Variants in CYP4F11 observed in about 807,000 individuals in gnomAD.
The protein encoded by CYP4F11 is cytochrome P450 family 4 subfamily F member 11, also known as cytochrome P450 4F11.
In CYP4F11, 79 loss-of-function variants were observed where a neutral mutation model predicts 62.2. The ratio of observed to expected loss-of-function variants is 1.27; its 90% CI spans 1.06 to 1.53. The LOEUF is 1.53. Ranked by LOEUF, CYP4F11 falls within the 40% of genes most tolerant of loss-of-function variation. The pLI is 0.00. For synonymous variants in CYP4F11, 290 were observed against 263.7 expected (o/e 1.10, Z -0.97); for missense variants, 777 against 680.5 (o/e 1.14, Z -1.58).
chr19:15,917,441 A>G (rs2089591685), intron 8 of CYP4F11, among the ~76,000 whole-genome samples: 2 of 152,178 alleles, frequency 1.3e-5, no homozygotes, highest in Non-Finnish European at 2.9e-5. Flanking sequence ...ATTAAGACCT[A>G]TTACTGAGTT....
chr19:15,917,919 A>G (rs2089595134), intron 8 of CYP4F11, among the ~76,000 whole-genome samples: 1 of 152,232 alleles, frequency 6.6e-6, no homozygotes, highest in South Asian at 2.1e-4. Context: ...CATTTGACCC[A>G]GAAATCCCAT....
rs2089546696 is a variant in CYP4F11 at position 15,912,773 on chromosome 19, A to ATGTATGTG, written c.*958_*959insCACATACA. On this transcript the variant is annotated 3_prime_UTR_variant, in exon 12 of 12. Coordinates refer to ENST00000402119, the MANE Select transcript of CYP4F11 (RefSeq NM_021187.4). The stretch of plus-strand genomic sequence containing the variant: ...TGTGTGTGTGTGTGTGTGTGTGTGT[A>ATGTATGTG]TATATATATATATATAATATATATA... 2 of 28,694 alleles carry ATGTATGTG rather than the reference A, an allele frequency of 7.0e-5. No homozygotes were observed. The highest frequency in any genetic ancestry group is 6.5e-5 in the Non-Finnish European group (1 of 15,466). The allele number at this position is 28,694 out of a possible 1,614,324, so 1.8% of individuals were successfully genotyped here.
chr19:15,927,085 A>G (rs1275808459), intron 4 of CYP4F11, 127 bp downstream of exon 4: 3 of 1,115,506 alleles, frequency 2.7e-6, no homozygotes, highest in Non-Finnish European at 3.8e-6. Flanking sequence ...CATTTTACAG[A>G]TAGGGAAACC....
chr19:15,921,963 A>C (rs946305020), intron 8 of CYP4F11, 74 bp downstream of exon 8: 1 of 1,464,574 alleles, frequency 6.8e-7, no homozygotes, highest in African/African-American at 1.4e-5. Context: ...GACCAAAAAA[A>C]CTCCCTCCCT....
At chr19:15,916,941 G>T (rs2145038414) in intron 8 of CYP4F11, among the ~76,000 whole-genome samples, 1 of 152,246 alleles carries the variant, frequency 6.6e-6, no homozygotes, top group South Asian at 2.1e-4. Context: ...CAAAGGAAAA[G>T]AAGTCGTTAT....
At chr19:15,919,335 A>G (rs1390256389) in intron 8 of CYP4F11, among the ~76,000 whole-genome samples, 2 of 148,210 alleles carry the variant, frequency 1.3e-5, no homozygotes, top group Non-Finnish European at 3.0e-5. Context: ...AATAGATGAT[A>G]TAGATAGATC....
rs901209280 is a variant in CYP4F11, at chr19:15,934,472, A to T, written c.-64T>A. The stretch of plus-strand genomic sequence containing the variant: ...CCCAGGGAAGGGCCCAGGAAGCTCC[A>T]AGGACAGTGGAAAGGGGCAAGGATG... On this transcript the variant is annotated 5_prime_UTR_variant, in exon 1 of 12. Transcript: ENST00000402119. 1.6e-5 allele frequency: 26 copies of T among 1,578,580 alleles called. No homozygotes were observed. In the African/African-American group the frequency reaches 3.0e-4, roughly 18 times the overall value.
intron 8 of CYP4F11, 35 bp from the exon 9 acceptor site, chr19:15,914,930 G>A (rs1439616583): frequency 1.2e-6 from 2 of 1,609,006 alleles, no homozygotes; most frequent in East Asian, 2.2e-5. Context: ...CATTATCAAG[G>A]GAACAAAGAC....
chr19:15,929,723 A>G, intron 1 of CYP4F11, 122 bp from the exon 2 acceptor site: 1 of 1,122,682 alleles, frequency 8.9e-7, no homozygotes. Flanking sequence ...GTAAAACATT[A>G]TTTCTGGATG....
In CYP4F11 at chr19:15,912,789, A is replaced by ATATATAT. The variant is rs10637763; in HGVS notation, c.*942_*943insATATATA. 1.0e-4 allele frequency: 10 copies of ATATATAT among 95,794 alleles called. 1 individual carries two copies. The highest frequency in any genetic ancestry group is 4.7e-4 in the African/African-American group (9 of 19,134). 5.9% of individuals were successfully genotyped at this position (95,794 alleles called of 1,614,324 possible). Reference sequence around the variant, plus strand: ...TGTGTGTGTATATATATATATATATAATATATATATATATATACATATCTT... The same window carrying ATATATAT: ...TGTGTGTGTATATATATATATATATATATATATATATATATATATATATACATATCTT... On this transcript the variant is annotated 3_prime_UTR_variant, in exon 12 of 12. Coordinates refer to ENST00000402119, the MANE Select transcript of CYP4F11 (RefSeq NM_021187.4).
Position 15,929,497 on chromosome 19 carries a change from T to C in CYP4F11, c.303A>G (p.Leu101=), listed in dbSNP as rs1355178352. 6.2e-7 allele frequency: 1 copy of C among 1,613,844 alleles called. No individual in the cohort carries two copies. The highest frequency in any genetic ancestry group is 1.7e-5 in the Admixed American group (1 of 59,984). ...WLGPTFPLLI[L]CHPDIIRPIT... is the part of the protein sequence containing the mutation. ...TAGGCCGGATAATGTCAGGGTGGCA[T>C]AAAATGAGGAGGGGGAAGGTAGGAC... The change falls in exon 2 of 12, where the codon TTA becomes TTG. Residue 101 remains leucine, a synonymous_variant. Coordinates refer to ENST00000402119, the MANE Select transcript of CYP4F11 (RefSeq NM_021187.4).
chr19:15,931,656 GTGAGCGAGGAGAGGAA>G lies in CYP4F11; in HGVS notation c.199-2071_199-2056del, dbSNP rs1398920690. Among the ~76,000 whole-genome samples, 53 of 62,150 alleles carry G rather than the reference GTGAGCGAGGAGAGGAA, an allele frequency of 8.5e-4. 4 individuals carry two copies. Among genetic ancestry groups the G allele is most frequent in the Non-Finnish European group, 1.1e-3 (38 of 34,150 alleles). 40.8% of individuals were successfully genotyped at this position (62,150 alleles called of 152,430 possible). Reference sequence around the variant, plus strand: ...AATGAGTGAGCGAGGAGAGGAATGAGTGAGCGAGGAGAGGAATGAGTGAGCGAGGAGAGGAATGAGT... The same window carrying G: ...AATGAGTGAGCGAGGAGAGGAATGAGTGAGTGAGCGAGGAGAGGAATGAGT... On this transcript the variant is annotated intron_variant, in intron 1 of 11. Transcript: ENST00000402119.
At chr19:15,918,819 A>G (rs1344423600) in intron 8 of CYP4F11, among the ~76,000 whole-genome samples, 1 of 152,130 alleles carries the variant, frequency 6.6e-6, no homozygotes, top group Non-Finnish European at 1.5e-5. Context: ...TGGAAGGTAA[A>G]TCAGTACAGA....
Position 15,934,371 on chromosome 19 carries a change from G to T in CYP4F11, c.38C>A (p.Pro13His), listed in dbSNP as rs2089760464. ...AAGCAGCCACGGGGATGCTGCCACG[G>T]GCCCGAGGCCCAGCCAGGACAGGCT... ...QLSLSWLGLG[P>H]VAASPWLLLL... The change falls in exon 1 of 12, where the codon CCC becomes CAC. Residue 13 changes from proline to histidine, a missense_variant. Coordinates refer to ENST00000402119, the MANE Select transcript of CYP4F11 (RefSeq NM_021187.4). 6.2e-7 allele frequency: 1 copy of T among 1,613,378 alleles called. No individual in the cohort carries two copies. Among genetic ancestry groups the T allele is most frequent in the Non-Finnish European group, 8.5e-7 (1 of 1,179,698 alleles).
At chr19:15,930,280 T>G (rs2089702291) in intron 1 of CYP4F11, among the ~76,000 whole-genome samples, 1 of 152,074 alleles carries the variant, frequency 6.6e-6, no homozygotes, top group Non-Finnish European at 1.5e-5. Flanking sequence ...CCTTCTCTCT[T>G]GGGGCTGTCT....
At chr19:15,914,735 G>A in intron 9 of CYP4F11, 27 bp downstream of exon 9, 1 of 1,614,014 alleles carries the variant, frequency 6.2e-7, no homozygotes, top group Non-Finnish European at 8.5e-7. Context: ...CTACCCAGGA[G>A]GCTCCTCCCC....
At chr19:15,916,922 G>C in intron 8 of CYP4F11, among the ~76,000 whole-genome samples, 1 of 152,176 alleles carries the variant, frequency 6.6e-6, no homozygotes, top group Non-Finnish European at 1.5e-5. Context: ...TCACTACTAG[G>C]TATCTACCCA....
Position 15,929,555 on chromosome 19 carries a change from G to T in CYP4F11, c.245C>A (p.Thr82Asn). Residue 82 changes from threonine (T) to asparagine (N), a missense_variant, in exon 2 of 12, where the codon ACC becomes AAC. Transcript: ENST00000402119. ...CAACTTAAAGCCCTGGGGATATGTG[G>T]TCACCAGCTGGGTCAATGTCTTCAT... ...EGMKTLTQLV[T>N]TYPQGFKLWL... The T allele has an allele frequency of 6.2e-7, 1 of 1,613,552 alleles. No homozygotes were observed. Among genetic ancestry groups the T allele is most frequent in the Non-Finnish European group, 8.5e-7 (1 of 1,179,640 alleles).
At position 15,934,247 on chromosome 19, in the gene CYP4F11, G is replaced by C. The variant is rs751339861; in HGVS notation, c.162C>G (p.Pro54=). The C allele has an allele frequency of 5.6e-6, 9 of 1,613,818 alleles. No individual in the cohort carries two copies. The highest frequency in any genetic ancestry group is 7.6e-6 in the Non-Finnish European group (9 of 1,179,816). Residue 54 remains proline (P), a synonymous_variant, in exon 1 of 12, where the codon CCC becomes CCG. Transcript: ENST00000402119. The part of the protein sequence containing the change: ...NCRRLQCFPQ[P]PKQNWFWGHQ... ...GTCCCCAAAACCAGTTCTGTTTCGG[G>C]GGTTGAGGAAAACACTGGAGGCGGC...
Sources: allele counts gnomAD v4.1 joint callset (sites outside exome capture counted in the v4.1 genomes callset), GRCh38; gene constraint gnomAD v4.1.1; transcripts MANE v1.5; gene names NCBI Gene and HGNC (gene_info 2026-07-23, HGNC 2026-07-21).